LIN7A: variants seen among roughly 807,000 people sequenced by gnomAD.
LIN7A encodes the protein lin-7 cell polarity scaffold A, also known as protein lin-7 homolog A.
LIN7A carries 25 observed loss-of-function variants against 29.8 expected under a neutral mutation model. The observed-to-expected ratio is 0.84, with a 90% CI of 0.61 to 1.17. The LOEUF is 1.17. LIN7A is among the 50% of genes most tolerant of loss of function. LIN7A has a pLI of 0.00. For synonymous variants in LIN7A, 118 were observed against 107.5 expected (o/e 1.10, Z -0.60); for missense variants, 239 against 287.0 (o/e 0.83, Z 1.21).
At chr12:80,881,229 C>A (rs1875015913) in intron 2 of LIN7A, among the ~76,000 whole-genome samples, 1 of 152,122 alleles carries the variant, frequency 6.6e-6, no homozygotes, top group Admixed American at 6.6e-5. Context: ...TTCATCCTAT[C>A]ATTGGCAGGA....
intron 1 of LIN7A, among the ~76,000 whole-genome samples, chr12:80,918,441 A>G (rs1482718372): frequency 6.6e-6 from 1 of 151,996 alleles, no homozygotes; most frequent in Non-Finnish European, 1.5e-5. Context: ...TTATGGGCAT[A>G]ATGCAACTCT....
At chr12:80,898,025 T>C (rs1261498487) in intron 1 of LIN7A, among the ~76,000 whole-genome samples, 1 of 152,190 alleles carries the variant, frequency 6.6e-6, no homozygotes, top group Non-Finnish European at 1.5e-5. Flanking sequence ...GCTTTTGATA[T>C]CTTTATTATG....
intron 2 of LIN7A, among the ~76,000 whole-genome samples, chr12:80,881,256 A>C (rs541861288): frequency 2.0e-5 from 3 of 152,224 alleles, no homozygotes; most frequent in Non-Finnish European, 4.4e-5. Context: ...TCACACAAGA[A>C]ACAGTCTGGC....
intron 5 of LIN7A, among the ~76,000 whole-genome samples, chr12:80,810,246 T>G (rs1466276380): frequency 1.3e-5 from 2 of 152,354 alleles, no homozygotes; most frequent in East Asian, 3.9e-4. Context: ...TTAAAGTTTT[T>G]CAGATTCCAC....
At chr12:80,832,571 C>T (rs201134743) in intron 4 of LIN7A, 7 of 474,804 alleles carry the variant, frequency 1.5e-5, no homozygotes, top group African/African-American at 8.1e-5. Flanking sequence ...CTGGACTTAC[C>T]ATTTGAAGGT....
chr12:80,822,289 G>A (rs954340173), intron 4 of LIN7A, among the ~76,000 whole-genome samples: 4 of 152,188 alleles, frequency 2.6e-5, no homozygotes, highest in African/African-American at 9.7e-5. Context: ...TGTGTGCAGT[G>A]GCTCGTGTCT....
At chr12:80,895,530 T>G (rs1369320550) in intron 1 of LIN7A, among the ~76,000 whole-genome samples, 1 of 152,198 alleles carries the variant, frequency 6.6e-6, no homozygotes, top group Non-Finnish European at 1.5e-5. Context: ...GCTAACAATA[T>G]GAATTATCTA....
chr12:80,896,976 C>T (rs1875936423), intron 1 of LIN7A, among the ~76,000 whole-genome samples: 1 of 152,216 alleles, frequency 6.6e-6, no homozygotes, highest in African/African-American at 2.4e-5. Flanking sequence ...GCTTAAGATA[C>T]AGCCTTCTTT....
intron 2 of LIN7A, among the ~76,000 whole-genome samples, chr12:80,852,538 C>T (rs1029456136): frequency 6.6e-6 from 1 of 152,040 alleles, no homozygotes; most frequent in African/African-American, 2.4e-5. Flanking sequence ...CAAACCATAA[C>T]CCATTATTCT....
chr12:80,892,959 T>A (rs940407447), intron 1 of LIN7A, among the ~76,000 whole-genome samples: 1 of 152,166 alleles, frequency 6.6e-6, no homozygotes, highest in Non-Finnish European at 1.5e-5. Flanking sequence ...GAAAAGCTTA[T>A]TGAAATGCAG....
At chr12:80,936,259 C>G (rs1878211020) in intron 1 of LIN7A, among the ~76,000 whole-genome samples, 1 of 152,152 alleles carries the variant, frequency 6.6e-6, no homozygotes, top group Non-Finnish European at 1.5e-5. Context: ...TCAACATTTT[C>G]TAATATAAAA....
chr12:80,915,946 A>G (rs531194480), intron 1 of LIN7A, among the ~76,000 whole-genome samples: 1 of 152,222 alleles, frequency 6.6e-6, no homozygotes, highest in African/African-American at 2.4e-5. Context: ...TGCCTGGGTG[A>G]TGGATTCATT....
chr12:80,893,489 CT>C (rs1875732128), intron 1 of LIN7A, among the ~76,000 whole-genome samples: 1 of 152,174 alleles, frequency 6.6e-6, no homozygotes, highest in Non-Finnish European at 1.5e-5. Context: ...CCAGACACGT[CT>C]CCATTAAGAC....
Position 80,889,469 on chromosome 12 carries a change from G to A in LIN7A, c.83-100C>T, listed in dbSNP as rs956410967. The A allele has an allele frequency of 1.6e-5, 12 of 748,670 alleles. No homozygotes were observed. The African/African-American group carries it at 2.1e-4, about 13-fold the overall frequency. The allele number at this position is 748,670 out of a possible 1,614,324, so 46.4% of individuals were successfully genotyped here. Reference sequence around the variant, plus strand: ...GTTGGATGATGACATTGAAAAGCAAGTGGACTTAAATTGCATAATCAGAAC... The same window carrying A: ...GTTGGATGATGACATTGAAAAGCAAATGGACTTAAATTGCATAATCAGAAC... On this transcript the variant is annotated intron_variant, in intron 1 of 5. Coordinates refer to ENST00000552864, the MANE Select transcript of LIN7A (RefSeq NM_004664.4).
chr12:80,829,799 C>T (rs557086495), intron 4 of LIN7A, among the ~76,000 whole-genome samples: 1 of 152,282 alleles, frequency 6.6e-6, no homozygotes, highest in Admixed American at 6.5e-5. Flanking sequence ...ATATTCTCTA[C>T]ATAATAGATC....
Position 80,882,287 on chromosome 12 carries a change from C to CTTTTTTT in LIN7A, c.201+6957_201+6963dup, listed in dbSNP as rs56000415. On this transcript the variant is annotated intron_variant, in intron 2 of 5. Coordinates refer to ENST00000552864, the MANE Select transcript of LIN7A (RefSeq NM_004664.4). ...ACAGTACTATCATTTTTCTTTCATT[C>CTTTTTTT]TTTTTTTTTTTTTTTGAGACGGAGT... Among the ~76,000 whole-genome samples the CTTTTTTT allele has an allele frequency of 3.6e-4, 32 of 87,698 alleles. 6 individuals carry two copies. The highest frequency in any genetic ancestry group is 1.4e-3 in the South Asian group (4 of 2,776). 57.5% of individuals were successfully genotyped at this position (87,698 alleles called of 152,430 possible).
chr12:80,932,933 T>C (rs1299475932), intron 1 of LIN7A, among the ~76,000 whole-genome samples: 1 of 152,218 alleles, frequency 6.6e-6, no homozygotes, highest in Non-Finnish European at 1.5e-5. Flanking sequence ...TAACCTCTGA[T>C]GTAGAGAAGA....
chr12:80,901,462 C>T (rs1240447902), intron 1 of LIN7A, among the ~76,000 whole-genome samples: 1 of 152,084 alleles, frequency 6.6e-6, no homozygotes, highest in Non-Finnish European at 1.5e-5. Flanking sequence ...TGTAATATTT[C>T]CCTAACTTAG....
chr12:80,887,125 C>A (rs1228697131), intron 2 of LIN7A, among the ~76,000 whole-genome samples: 1 of 152,052 alleles, frequency 6.6e-6, no homozygotes, highest in African/African-American at 2.4e-5. Flanking sequence ...TCAATAGAGT[C>A]TTCTTTCTTT....
Sources: allele counts gnomAD v4.1 joint callset (sites outside exome capture counted in the v4.1 genomes callset), GRCh38; gene constraint gnomAD v4.1.1; transcripts MANE v1.5; gene names NCBI Gene and HGNC (gene_info 2026-07-23, HGNC 2026-07-21).